HMCN1: variants seen among roughly 807,000 people sequenced by gnomAD.
HMCN1 encodes the protein hemicentin 1.
A neutral mutation model predicts 625.9 loss-of-function variants in HMCN1; 321 were observed. The ratio of observed to expected loss-of-function variants is 0.51; its 90% CI spans 0.47 to 0.56. The LOEUF is 0.56. HMCN1 is among the 20% of genes least tolerant of loss of function. The pLI is 0.00. For synonymous variants in HMCN1, 2,425 were observed against 2,417.6 expected (o/e 1.00, Z -0.09); for missense variants, 6,588 against 6,887.3 (o/e 0.96, Z 1.54).
chr1:185,898,205 T>C (rs1571525825), intron 4 of HMCN1, among the ~76,000 whole-genome samples: 1 of 152,178 alleles, frequency 6.6e-6, no homozygotes, highest in South Asian at 2.1e-4. Context: ...TAAAAGTTAA[T>C]TAGGTCCTAA....
chr1:185,968,235 G>A (rs1216054528), intron 14 of HMCN1, among the ~76,000 whole-genome samples: 1 of 152,044 alleles, frequency 6.6e-6, no homozygotes, highest in African/African-American at 2.4e-5. Context: ...TGGAGGCTAT[G>A]TGATGTGTGA....
intron 4 of HMCN1, among the ~76,000 whole-genome samples, chr1:185,880,768 G>A (rs1258305532): frequency 6.6e-6 from 1 of 152,232 alleles, no homozygotes; most frequent in African/African-American, 2.4e-5. Context: ...GTTGGGATTT[G>A]GACCAGAAGA....
rs921846238 is a variant in HMCN1, at chr1:186,189,620, T to C, written c.16650T>C (p.Asp5550=). 3.7e-6 allele frequency: 6 copies of C among 1,613,338 alleles called. No individual in the cohort carries two copies. The highest frequency in any genetic ancestry group is 5.1e-6 in the Non-Finnish European group (6 of 1,179,526). The change falls in exon 107 of 107, where the codon GAT becomes GAC. Residue 5550 remains aspartate, a synonymous_variant. Coordinates refer to ENST00000271588, the MANE Select transcript of HMCN1 (RefSeq NM_031935.3). The part of the protein sequence containing the change: ...SLPFGIATNQ[D]LIRLVAYTQD... ...CATTTGGAATAGCCACCAATCAAGA[T>C]TTAATCCGGCTGGTTGCATACACAC... is the stretch of plus-strand genomic sequence containing the variant.
chr1:185,830,649 T>C (rs921801046), intron 1 of HMCN1, among the ~76,000 whole-genome samples: 9 of 152,028 alleles, frequency 5.9e-5, no homozygotes, highest in South Asian at 2.1e-4. Flanking sequence ...CCCAGCACTT[T>C]GGGAGGCTGG....
chr1:186,002,903 C>T lies in HMCN1; in HGVS notation c.4349-815C>T, dbSNP rs185082523. On this transcript the variant is annotated intron_variant, in intron 28 of 106. Transcript: ENST00000271588. The stretch of plus-strand genomic sequence containing the variant: ...CCAACATTTCAAATCTACATATTTC[C>T]TGTTATGTCTACTTCCTAATTCTTT... Among the ~76,000 whole-genome samples, 7 of 152,218 alleles carry T rather than the reference C, an allele frequency of 4.6e-5. No individual in the cohort carries two copies. In the East Asian group the frequency reaches 1.4e-3, roughly 29 times the overall value.
chr1:186,185,287 A>T lies in HMCN1; in HGVS notation c.16415-2596A>T, dbSNP rs1405899330. On this transcript the variant is annotated intron_variant, in intron 105 of 106. Transcript: ENST00000271588. Reference sequence around the variant, plus strand: ...GAGTTCATGATGAAAATAAGATAAAATGTGGACAATGAATATGAAGAGAAA... The same window carrying T: ...GAGTTCATGATGAAAATAAGATAAATTGTGGACAATGAATATGAAGAGAAA... Among the ~76,000 whole-genome samples, 23 of 152,178 alleles carry T rather than the reference A, an allele frequency of 1.5e-4. 1 individual carries two copies. The highest frequency in any genetic ancestry group is 1.5e-3 in the Admixed American group (23 of 15,276).
At chr1:185,859,021 GTGTGT>G (rs1558020451) in intron 2 of HMCN1, among the ~76,000 whole-genome samples, 3 of 5,088 alleles carry the variant, frequency 5.9e-4, no homozygotes, top group African/African-American at 1.3e-3. Context: ...GGTTAAAGAT[GTGTGT>G]GTGTGTGTGT....
At chr1:186,098,521 C>A (rs1242038855) in intron 68 of HMCN1, among the ~76,000 whole-genome samples, 1 of 151,858 alleles carries the variant, frequency 6.6e-6, no homozygotes, top group Admixed American at 6.6e-5. Flanking sequence ...ATGGGTATGA[C>A]CAAAAAGATA....
At chr1:186,029,581 CTTTCA>C (rs1332515359) in intron 36 of HMCN1, among the ~76,000 whole-genome samples, 1 of 150,718 alleles carries the variant, frequency 6.6e-6, no homozygotes, top group Non-Finnish European at 1.5e-5. Context: ...AATGACCCCT[CTTTCA>C]TTTCTGATTG....
intron 46 of HMCN1, 69 bp from the exon 47 acceptor site, chr1:186,061,782 C>T: frequency 9.9e-7 from 1 of 1,012,898 alleles, no homozygotes; most frequent in Non-Finnish European, 1.5e-6. Flanking sequence ...AATTGAGCAT[C>T]ACTTGGATGG....
intron 6 of HMCN1, among the ~76,000 whole-genome samples, chr1:185,918,146 CT>C (rs1666818399): frequency 6.6e-6 from 1 of 152,120 alleles, no homozygotes; most frequent in African/African-American, 2.4e-5. Flanking sequence ...CATCTGCAAG[CT>C]GGGGAAGAAA....
chr1:186,057,042 C>T (rs1657378263), intron 45 of HMCN1, among the ~76,000 whole-genome samples, 192 bp from the exon 46 acceptor site: 1 of 151,354 alleles, frequency 6.6e-6, no homozygotes, highest in Admixed American at 6.6e-5. Context: ...CACACACACA[C>T]ACACACACAC....
chr1:186,039,935 G>A lies in HMCN1; in HGVS notation c.6180+56G>A, dbSNP rs1044940353. The A allele has an allele frequency of 2.1e-5, 32 of 1,501,042 alleles. No homozygotes were observed. The Admixed American group carries it at 5.2e-4, about 24-fold the overall frequency. The allele number at this position is 1,501,042 out of a possible 1,614,324, so 93.0% of individuals were successfully genotyped here. On this transcript the variant is annotated intron_variant, in intron 39 of 106. Transcript: ENST00000271588. ...ACCACCTGATTATTCAGTACAGGAA[G>A]TACACACAGGTAAAACTGTTGAAGA... is the stretch of plus-strand genomic sequence containing the variant.
At chr1:185,753,796 A>AT (rs1654963694) in intron 1 of HMCN1, among the ~76,000 whole-genome samples, 1 of 152,218 alleles carries the variant, frequency 6.6e-6, no homozygotes, top group Non-Finnish European at 1.5e-5. Flanking sequence ...GATGTGGTGG[A>AT]TAGGGAATCC....
At position 185,911,784 on chromosome 1, in the gene HMCN1, C is replaced by A; in HGVS notation, c.900+4C>A. On this transcript the variant is annotated splice_donor_region_variant and intron_variant, in intron 6 of 106. Transcript: ENST00000271588. Reference sequence around the variant, plus strand: ...GGCTGGAATGTGGACAGTGAAGGTACGGTTGTTTCACAAAGTTTGTTTATT... The same window carrying A: ...GGCTGGAATGTGGACAGTGAAGGTAAGGTTGTTTCACAAAGTTTGTTTATT... 6.3e-7 allele frequency: 1 copy of A among 1,594,938 alleles called. No homozygotes were observed. Among genetic ancestry groups the A allele is most frequent in the Non-Finnish European group, 8.6e-7 (1 of 1,162,828 alleles).
intron 9 of HMCN1, among the ~76,000 whole-genome samples, chr1:185,928,287 G>C (rs1359004359): frequency 1.3e-5 from 2 of 152,102 alleles, no homozygotes; most frequent in African/African-American, 4.8e-5. Context: ...GACATAGCTA[G>C]AAAATATTTC....
Position 185,842,667 on chromosome 1 carries a change from G to C in HMCN1, c.269-3359G>C, listed in dbSNP as rs574963577. 3.3e-5 allele frequency among the ~76,000 whole-genome samples: 5 copies of C among 152,146 alleles called. No individual in the cohort carries two copies. The South Asian group carries it at 1.0e-3, about 32-fold the overall frequency. ...ATCACTTGATCCTTGGGAGGTCAAGGCCGCAGTAAGCTATGACAGTGCCAC... is the reference window on the plus strand; with the variant it reads ...ATCACTTGATCCTTGGGAGGTCAAGCCCGCAGTAAGCTATGACAGTGCCAC... On this transcript the variant is annotated intron_variant, in intron 1 of 106. Coordinates refer to ENST00000271588, the MANE Select transcript of HMCN1 (RefSeq NM_031935.3).
Position 186,087,295 on chromosome 1 carries a change from G to C in HMCN1, c.9125G>C (p.Gly3042Ala). 1 of 1,613,190 alleles carries C rather than the reference G, an allele frequency of 6.2e-7. No individual in the cohort carries two copies. Among genetic ancestry groups the C allele is most frequent in the Non-Finnish European group, 8.5e-7 (1 of 1,179,414 alleles). Residue 3042 changes from glycine (G) to alanine (A), a missense_variant, in exon 59 of 107, where the codon GGC becomes GCC. Physicochemically the swap from Gly to Ala is moderately conservative, Grantham distance 60 (BLOSUM62 0). This residue lies in a region of HMCN1 where 4,628 missense variants were observed against 4,853.1 expected (regional missense o/e 0.95). Coordinates refer to ENST00000271588, the MANE Select transcript of HMCN1 (RefSeq NM_031935.3). ...EYTCIAINQA[G>A]ESKKKFSLTV... ...ACTTGTATAGCTATCAATCAAGCTG[G>C]CGAAAGCAAGAAAAAGTTTTCCCTG... is the stretch of plus-strand genomic sequence containing the variant.
intron 33 of HMCN1, 102 bp from the exon 34 acceptor site, chr1:186,018,081 A>G (rs1399015249): frequency 9.6e-7 from 1 of 1,046,838 alleles, no homozygotes; most frequent in Non-Finnish European, 1.5e-6. Context: ...CAGAGTAAGC[A>G]ACTAGGAAAT....
Sources: allele counts gnomAD v4.1 joint callset (sites outside exome capture counted in the v4.1 genomes callset), GRCh38; gene constraint gnomAD v4.1.1; regional missense constraint gnomAD v4.1.1; transcripts MANE v1.5; gene names NCBI Gene and HGNC (gene_info 2026-07-23, HGNC 2026-07-21).